Variants in TJP2 observed in about 807,000 individuals in gnomAD.
The protein encoded by TJP2 is Friedreich ataxia region gene X104 (tight junction protein ZO-2).
A neutral mutation model predicts 133.1 loss-of-function variants in TJP2; 91 were observed. The ratio of observed to expected loss-of-function variants is 0.68; its 90% CI spans 0.58 to 0.81. The LOEUF is 0.81. Ranked by LOEUF, TJP2 falls within the 40% of genes least tolerant of loss-of-function variation. TJP2 has a pLI of 0.00. For missense variants in TJP2, 1,541 were observed against 1,565.6 expected (o/e 0.98, Z 0.26); for synonymous variants, 592 against 583.4 (o/e 1.01, Z -0.21).
chr9:69,206,065 T>C (rs1453307146), intron 1 of TJP2, among the ~76,000 whole-genome samples: 2 of 152,204 alleles, frequency 1.3e-5, no homozygotes, highest in Non-Finnish European at 2.9e-5. Flanking sequence ...TTACTGTTAA[T>C]GCATTAAGTT....
intron 1 of TJP2, among the ~76,000 whole-genome samples, chr9:69,122,522 G>A (rs77399146): frequency 2.0e-5 from 3 of 152,178 alleles, no homozygotes; most frequent in Non-Finnish European, 4.4e-5. Context: ...GGGAGGGGCC[G>A]AGCTTGTCAG....
At chr9:69,239,149 A>G (rs1830411979) in intron 16 of TJP2, among the ~76,000 whole-genome samples, 1 of 152,184 alleles carries the variant, frequency 6.6e-6, no homozygotes, top group Non-Finnish European at 1.5e-5. Context: ...AGATTGCACC[A>G]TTGCACTCCA....
chr9:69,140,862 T>C (rs928037261), intron 1 of TJP2, among the ~76,000 whole-genome samples: 40 of 152,218 alleles, frequency 2.6e-4, no homozygotes, highest in Non-Finnish European at 3.8e-4. Flanking sequence ...TCTTTGTTTT[T>C]TTGGGAGACG....
intron 17 of TJP2, among the ~76,000 whole-genome samples, chr9:69,244,429 G>A (rs76515778): frequency 0.019 from 2,866 of 152,188 alleles, 37 homozygotes; most frequent in South Asian, 0.029. Context: ...AGGTAGCACT[G>A]ACCATACATG....
intron 2 of TJP2, among the ~76,000 whole-genome samples, chr9:69,155,227 CAAAAAAAAA>C (rs58935075): frequency 1.0e-4 from 10 of 98,786 alleles, no homozygotes; most frequent in South Asian, 3.5e-4. Flanking sequence ...ACTCCATTTC[CAAAAAAAAA>C]AAAAAAAAAA....
intron 13 of TJP2, among the ~76,000 whole-genome samples, 178 bp downstream of exon 13, chr9:69,236,416 G>A (rs1830195644): frequency 6.6e-6 from 1 of 152,138 alleles, no homozygotes; most frequent in African/African-American, 2.4e-5. Flanking sequence ...CCAGTTTATT[G>A]TGAGTAAATT....
intron 1 of TJP2, among the ~76,000 whole-genome samples, chr9:69,133,970 T>TCTTTCTCTTTCCC (rs58415240): frequency 0.46 from 69,811 of 151,748 alleles, 16,200 homozygotes; most frequent in East Asian, 0.62. Flanking sequence ...TTCTCTTTTC[T>TCTTTCTCTTTCCC]CTCTTTCTCT....
In TJP2 at chr9:69,212,571, A is replaced by G; in HGVS notation, c.84A>G (p.Ile28Met). 1 of 1,613,558 alleles carries G rather than the reference A, an allele frequency of 6.2e-7. No individual in the cohort carries two copies. Residue 28 changes from isoleucine (I) to methionine (M), a missense_variant, in exon 2 of 23, where the codon ATA becomes ATG. Coordinates refer to ENST00000377245, the MANE Select transcript of TJP2 (RefSeq NM_004817.4). The stretch of plus-strand genomic sequence containing the variant: ...AGGCCCCAGGCATGGAAGAGCTGAT[A>G]TGGGAACAGTACACTGTGACCCTAC... ...WLRAPGMEEL[I>M]WEQYTVTLQK...
rs779063663 is a variant in TJP2 at position 69,174,376 on chromosome 9, C to A, written c.4C>A (p.Pro2Thr). MPVRGDRGFPPR... is the reference protein window; with the variant it reads MTVRGDRGFPPR... The stretch of plus-strand genomic sequence containing the variant: ...CTACGCGGGACCTGTGTCCGAAATG[C>A]CGGTGCGAGGAGACCGCGGGTTTCC... The change falls in exon 1 of 23, where the codon CCG becomes ACG. Residue 2 changes from proline to threonine, a missense_variant. Physicochemically the swap from Pro to Thr is conservative, Grantham distance 38 (BLOSUM62 -1). Coordinates refer to ENST00000377245, the MANE Select transcript of TJP2 (RefSeq NM_004817.4). The A allele has an allele frequency of 2.6e-5, 41 of 1,551,836 alleles. No homozygotes were observed. In the East Asian group the frequency reaches 9.8e-4, roughly 37 times the overall value.
At position 69,251,280 on chromosome 9, in the gene TJP2, G is replaced by C. The variant is rs1831311806; in HGVS notation, c.3237G>C (p.Leu1079=). 1 of 1,614,056 alleles carries C rather than the reference G, an allele frequency of 6.2e-7. No homozygotes were observed. Among genetic ancestry groups the C allele is most frequent in the African/African-American group, 1.3e-5 (1 of 74,914 alleles). ...EEQDNAPKSV[L]GKVKIFEKMD... ...AAGATAATGCTCCCAAATCAGTCCT[G>C]GGCAAAGTCAAAATATTTGAGAAGA... Residue 1079 remains leucine (L), a synonymous_variant, in exon 21 of 23, where the codon CTG becomes CTC. Transcript: ENST00000377245.
chr9:69,222,564 G>A (rs1313247400), intron 5 of TJP2, among the ~76,000 whole-genome samples: 1 of 152,196 alleles, frequency 6.6e-6, no homozygotes, highest in Non-Finnish European at 1.5e-5. Context: ...TACCTCATGA[G>A]GGAGGACTCT....
intron 1 of TJP2, chr9:69,205,100 A>T: frequency 6.5e-7 from 1 of 1,533,270 alleles, no homozygotes; most frequent in South Asian, 1.2e-5. Flanking sequence ...ACATGGAGTG[A>T]TGGAAATGGG....
At chr9:69,237,801 C>G in intron 14 of TJP2, 77 bp from the exon 15 acceptor site, 1 of 1,016,784 alleles carries the variant, frequency 9.8e-7, no homozygotes, top group Non-Finnish European at 1.6e-6. Flanking sequence ...TTATCAAAAG[C>G]CCATACAATA....
intron 11 of TJP2, among the ~76,000 whole-genome samples, chr9:69,233,108 T>C (rs921472449): frequency 6.6e-6 from 1 of 152,236 alleles, no homozygotes; most frequent in African/African-American, 2.4e-5. Flanking sequence ...TGATTCCTAA[T>C]TGGGGGACAG....
chr9:69,206,606 C>G (rs1827432035), intron 1 of TJP2, among the ~76,000 whole-genome samples: 2 of 151,648 alleles, frequency 1.3e-5, no homozygotes, highest in Non-Finnish European at 2.9e-5. Flanking sequence ...GAGACGGAGT[C>G]TTGCTCTGTT....
chr9:69,251,044 C>G lies in TJP2; in HGVS notation c.3001C>G (p.Gln1001Glu). 1 of 1,614,122 alleles carries G rather than the reference C, an allele frequency of 6.2e-7. No homozygotes were observed. Among genetic ancestry groups the G allele is most frequent in the South Asian group, 1.1e-5 (1 of 91,082 alleles). Residue 1001 changes from glutamine (Q) to glutamate (E), a missense_variant, in exon 21 of 23, where the codon CAG becomes GAG. Physicochemically the swap from Gln to Glu is conservative, Grantham distance 29. Transcript: ENST00000377245. ...FKPEPPKAKT[Q>E]NKEESYDFSK... ...TCATTGCTCTCCGCAGGCCAAAACC[C>G]AGAACAAAGAAGAATCCTATGACTT...
At chr9:69,224,022 ATTC>A (rs1315212140) in intron 5 of TJP2, among the ~76,000 whole-genome samples, 6 of 152,242 alleles carry the variant, frequency 3.9e-5, no homozygotes, top group African/African-American at 1.4e-4. Context: ...GTGAACAGTT[ATTC>A]TTAAAATAAT....
chr9:69,199,547 CACGCATGCACGT>C, intron 1 of TJP2, among the ~76,000 whole-genome samples: 1 of 152,140 alleles, frequency 6.6e-6, no homozygotes, highest in African/African-American at 2.4e-5. Flanking sequence ...CACACACACA[CACGCATGCACGT>C]ACGCACGCAC....
intron 1 of TJP2, among the ~76,000 whole-genome samples, chr9:69,129,086 C>T (rs1015078170): frequency 3.3e-5 from 5 of 152,144 alleles, no homozygotes; most frequent in Admixed American, 1.3e-4. Flanking sequence ...ATGGGGAGTA[C>T]GTAAGCAGGG....
Sources: gnomAD v4.1 joint callset for allele counts (sites outside exome capture counted in the v4.1 genomes callset) on GRCh38, gnomAD v4.1.1 for gene constraint, MANE v1.5 for transcripts, NCBI Gene and HGNC (gene_info 2026-07-23, HGNC 2026-07-21) for gene names.